The following ALK variants were observed in gnomAD, a reference collection of about 807,000 sequenced individuals.
ALK encodes the protein ALK tyrosine kinase receptor.
ALK carries 74 observed loss-of-function variants against 163.1 expected under a neutral mutation model. The ratio of observed to expected loss-of-function variants is 0.45; its 90% CI spans 0.38 to 0.55. The LOEUF (loss-of-function observed/expected upper bound fraction) is 0.55. ALK is among the 20% of genes least tolerant of loss of function. The pLI is 0.00. For missense variants in ALK, 2,063 were observed against 2,105.3 expected (o/e 0.98, Z 0.39); for synonymous variants, 960 against 843.2 (o/e 1.14, Z -2.40).
intron 12 of ALK, among the ~76,000 whole-genome samples, chr2:29,249,652 C>T (rs1310206652): frequency 6.6e-6 from 1 of 152,180 alleles, no homozygotes; most frequent in Non-Finnish European, 1.5e-5. Context: ...AACATGGGAA[C>T]ACCAATAATA....
intron 16 of ALK, among the ~76,000 whole-genome samples, chr2:29,228,641 G>A (rs904348414): frequency 3.0e-4 from 45 of 152,058 alleles, no homozygotes; most frequent in African/African-American, 1.0e-3. Context: ...TCGACTTTGG[G>A]GGACATCAAG....
chr2:29,717,189 A>AAGAGAG (rs10670332), intron 2 of ALK, among the ~76,000 whole-genome samples: 5 of 142,852 alleles, frequency 3.5e-5, no homozygotes, highest in African/African-American at 1.4e-4. Context: ...AAAAAAAAAA[A>AAGAGAG]AGAGAGAGAG....
In ALK at chr2:29,843,593, G is replaced by A. The variant is rs544630319; in HGVS notation, c.667+76400C>T. ...GAGTGATGTCCAAGTTCTGCCTGAC[G>A]CTGAATTCATTGAAGGGGATTTCTA... On this transcript the variant is annotated intron_variant, in intron 1 of 28. Transcript: ENST00000389048. 7.9e-5 allele frequency among the ~76,000 whole-genome samples: 12 copies of A among 152,256 alleles called. No individual in the cohort carries two copies. In the East Asian group the frequency reaches 1.5e-3, roughly 20 times the overall value.
Position 29,277,122 on chromosome 2 carries a change from C to G in ALK, c.1818-1626G>C, listed in dbSNP as rs367751150. ...GGTGGCACTGGCAACATGGAGAGAA[C>G]AGGGCCTGCAGGGTACAACAAGGAC... On this transcript the variant is annotated intron_variant, in intron 9 of 28. Transcript: ENST00000389048. Among the ~76,000 whole-genome samples, 6 of 152,278 alleles carry G rather than the reference C, an allele frequency of 3.9e-5. No homozygotes were observed. In the South Asian group the frequency reaches 1.0e-3, roughly 26 times the overall value.
intron 1 of ALK, among the ~76,000 whole-genome samples, chr2:29,847,925 G>GA (rs1396781971): frequency 6.6e-6 from 1 of 152,096 alleles, no homozygotes; most frequent in African/African-American, 2.4e-5. Context: ...GCAGAGATGG[G>GA]AAAGAGTCTC....
intron 5 of ALK, among the ~76,000 whole-genome samples, chr2:29,358,580 G>A (rs2148284945): frequency 6.6e-6 from 1 of 152,292 alleles, no homozygotes; most frequent in South Asian, 2.1e-4. Flanking sequence ...CTGTAGAGGA[G>A]GCTTGTCAAT....
chr2:29,635,705 TG>T (rs1251012094), intron 3 of ALK, among the ~76,000 whole-genome samples: 1 of 151,912 alleles, frequency 6.6e-6, no homozygotes, highest in Non-Finnish European at 1.5e-5. Flanking sequence ...CAGGTTCAAG[TG>T]ATTCTCATGC....
In ALK at chr2:29,512,283, A is replaced by G. The variant is rs537381052; in HGVS notation, c.1154+19632T>C. Among the ~76,000 whole-genome samples the G allele has an allele frequency of 3.3e-5, 5 of 151,616 alleles. No individual in the cohort carries two copies. The South Asian group carries it at 8.4e-4, about 26-fold the overall frequency. On this transcript the variant is annotated intron_variant, in intron 4 of 28. Transcript: ENST00000389048. ...GGCAAACCGAATCCAGCAGCACATC[A>G]AAAAGCTTATCCACCATGATCAAGT...
chr2:29,381,876 C>T (rs147387203), intron 5 of ALK, among the ~76,000 whole-genome samples: 181 of 152,278 alleles, frequency 1.2e-3, no homozygotes, highest in Non-Finnish European at 1.9e-3. Context: ...CCTACTGATG[C>T]GCACCTGAAT....
chr2:29,421,286 C>T (rs1670009749), intron 4 of ALK, among the ~76,000 whole-genome samples: 1 of 151,608 alleles, frequency 6.6e-6, no homozygotes, highest in African/African-American at 2.4e-5. Context: ...CAATGCTTGA[C>T]TGTGCAGAGA....
At chr2:29,595,566 C>T (rs932748628) in intron 3 of ALK, among the ~76,000 whole-genome samples, 4 of 152,158 alleles carry the variant, frequency 2.6e-5, no homozygotes, top group African/African-American at 9.6e-5. Flanking sequence ...ATGATCCGCC[C>T]GCCTCGGCCT....
chr2:29,751,146 C>T (rs980087840), intron 1 of ALK, among the ~76,000 whole-genome samples: 1 of 151,984 alleles, frequency 6.6e-6, no homozygotes, highest in African/African-American at 2.4e-5. Flanking sequence ...ATAAATGGTA[C>T]ACCTGTATAG....
intron 5 of ALK, among the ~76,000 whole-genome samples, chr2:29,335,892 T>G: frequency 6.6e-6 from 1 of 151,858 alleles, no homozygotes; most frequent in African/African-American, 2.4e-5. Context: ...ATACAAAAAT[T>G]AGCTGGGCGT....
chr2:29,826,304 T>G (rs1004322737), intron 1 of ALK, among the ~76,000 whole-genome samples: 3 of 151,938 alleles, frequency 2.0e-5, no homozygotes, highest in Non-Finnish European at 4.4e-5. Flanking sequence ...GTGTGAAAAA[T>G]CAAGCAAAAA....
At chr2:29,440,298 G>A (rs1353394745) in intron 4 of ALK, among the ~76,000 whole-genome samples, 1 of 149,994 alleles carries the variant, frequency 6.7e-6, no homozygotes, top group Non-Finnish European at 1.5e-5. Context: ...CCCATGTTAC[G>A]TAGGTTACGT....
chr2:29,503,891 C>CTCA (rs1343068834), intron 4 of ALK, among the ~76,000 whole-genome samples: 4 of 151,966 alleles, frequency 2.6e-5, no homozygotes, highest in Non-Finnish European at 4.4e-5. Flanking sequence ...AGTTCTTGCC[C>CTCA]TCATGGAGCT....
At chr2:29,396,095 T>C (rs1669296136) in intron 4 of ALK, among the ~76,000 whole-genome samples, 1 of 152,152 alleles carries the variant, frequency 6.6e-6, no homozygotes, top group Non-Finnish European at 1.5e-5. Flanking sequence ...ACCTCCACAC[T>C]AGGAATGGGA....
Position 29,815,450 on chromosome 2 carries a change from G to C in ALK, c.668-97753C>G, listed in dbSNP as rs150624166. ...ATATAAAGAGTTCTGTTTAAAATCT[G>C]GTTGTTGCAAAGAAGGTGAGGGAGG... is the stretch of plus-strand genomic sequence containing the variant. On this transcript the variant is annotated intron_variant, in intron 1 of 28. Coordinates refer to ENST00000389048, the MANE Select transcript of ALK (RefSeq NM_004304.5). Among the ~76,000 whole-genome samples, 20 of 152,196 alleles carry C rather than the reference G, an allele frequency of 1.3e-4. No homozygotes were observed. The East Asian group carries it at 2.5e-3, about 19-fold the overall frequency.
At chr2:29,335,914 C>CCTGTAATCACAGCTA (rs1304430536) in intron 5 of ALK, among the ~76,000 whole-genome samples, 6 of 152,030 alleles carry the variant, frequency 3.9e-5, no homozygotes, top group African/African-American at 1.2e-4. Flanking sequence ...GTCATGGACA[C>CCTGTAATCACAGCTA]CTGTAATCAC....
Sources: gnomAD v4.1 joint callset for allele counts (sites outside exome capture counted in the v4.1 genomes callset) on GRCh38, gnomAD v4.1.1 for gene constraint, MANE v1.5 for transcripts, NCBI Gene and HGNC (gene_info 2026-07-23, HGNC 2026-07-21) for gene names.